Variants in MKLN1 observed in about 807,000 individuals in gnomAD.
The protein encoded by MKLN1 is muskelin.
MKLN1 carries 18 observed loss-of-function variants against 99.0 expected under a neutral mutation model. The ratio of observed to expected loss-of-function variants is 0.18; its 90% CI spans 0.13 to 0.27. The LOEUF (loss-of-function observed/expected upper bound fraction) is 0.27, where lower values mean the gene tolerates loss of function less well. Among genes scored for constraint, MKLN1 ranks in the 10% least tolerant of loss-of-function variants. The pLI is 1.00. For synonymous variants in MKLN1, 288 were observed against 293.2 expected (o/e 0.98, Z 0.18); for missense variants, 621 against 875.9 (o/e 0.71, Z 3.67).
At chr7:131,133,839 T>G (rs1795605078) in intron 1 of MKLN1, among the ~76,000 whole-genome samples, 1 of 140,784 alleles carries the variant, frequency 7.1e-6, no homozygotes, top group South Asian at 2.3e-4. Flanking sequence ...TTTTTTTTTT[T>G]TTTTTTTGAG....
At chr7:131,165,321 G>A (rs1003289230) in intron 2 of MKLN1, among the ~76,000 whole-genome samples, 2 of 152,134 alleles carry the variant, frequency 1.3e-5, no homozygotes, top group South Asian at 2.1e-4. Context: ...GAGTAGCTGG[G>A]ATTACAGGCA....
chr7:131,196,014 T>C (rs891930567), intron 2 of MKLN1, among the ~76,000 whole-genome samples: 7 of 152,186 alleles, frequency 4.6e-5, no homozygotes, highest in Non-Finnish European at 1.0e-4. Flanking sequence ...CTTTTTTGTG[T>C]ATATTTTTAT....
rs767696711 is a variant in MKLN1 at position 131,411,275 on chromosome 7, G to A, written c.704-31G>A. The A allele has an allele frequency of 3.6e-6, 5 of 1,371,200 alleles. No individual in the cohort carries two copies. The East Asian group carries it at 6.9e-5, about 19-fold the overall frequency. 84.9% of individuals were successfully genotyped at this position (1,371,200 alleles called of 1,614,324 possible). On this transcript the variant is annotated intron_variant, in intron 6 of 17. Coordinates refer to ENST00000352689, the MANE Select transcript of MKLN1 (RefSeq NM_013255.5). ...AATAAATAATGTAAGTAGTTAAGGTGTAATTCTTTCTCATTCTTCAATATT... is the reference window on the plus strand; with the variant it reads ...AATAAATAATGTAAGTAGTTAAGGTATAATTCTTTCTCATTCTTCAATATT...
intron 2 of MKLN1, among the ~76,000 whole-genome samples, chr7:131,200,665 A>C (rs1169653476): frequency 1.3e-5 from 2 of 152,258 alleles, no homozygotes; most frequent in Non-Finnish European, 2.9e-5. Context: ...AATCAAAAGT[A>C]CAGATTTTCC....
rs147375026 is a variant in MKLN1 at position 131,345,469 on chromosome 7, G to C, written c.98+17472G>C. ...TAACAGAAATTCCTTCAGCTCCCTTGTATTTATTTATGTGAGCAAGGGAGG... is the reference window on the plus strand; with the variant it reads ...TAACAGAAATTCCTTCAGCTCCCTTCTATTTATTTATGTGAGCAAGGGAGG... On this transcript the variant is annotated intron_variant, in intron 1 of 17. Transcript: ENST00000352689. Among the ~76,000 whole-genome samples, 248 of 152,268 alleles carry C rather than the reference G, an allele frequency of 1.6e-3. 3 individuals carry two copies. The highest frequency in any genetic ancestry group is 5.6e-3 in the African/African-American group (234 of 41,550).
intron 10 of MKLN1, among the ~76,000 whole-genome samples, chr7:131,439,509 GT>G (rs1795768837): frequency 6.6e-6 from 1 of 152,154 alleles, no homozygotes; most frequent in Non-Finnish European, 1.5e-5. Flanking sequence ...AACTATCCCT[GT>G]AATAGTGAGC....
intron 8 of MKLN1, among the ~76,000 whole-genome samples, chr7:131,415,271 AATACCAATAATCTACCATAGCT>A (rs1049162600): frequency 1.3e-5 from 2 of 152,074 alleles, no homozygotes; most frequent in Non-Finnish European, 2.9e-5. Flanking sequence ...AAAAGCAAAT[AATACCAATAATCTACCATAGCT>A]ATATTTTATT....
At chr7:131,182,526 C>G (rs1039175696) in intron 2 of MKLN1, among the ~76,000 whole-genome samples, 1 of 152,210 alleles carries the variant, frequency 6.6e-6, no homozygotes, top group Admixed American at 6.5e-5. Flanking sequence ...TAAGACCAAA[C>G]CTTATATCTT....
intron 3 of MKLN1, among the ~76,000 whole-genome samples, chr7:131,224,275 G>A (rs1797104614): frequency 6.6e-6 from 1 of 152,204 alleles, no homozygotes; most frequent in Non-Finnish European, 1.5e-5. Flanking sequence ...GCTGGGTGCG[G>A]TAGCTCACAC....
chr7:131,343,846 A>G (rs1266918208), intron 1 of MKLN1, among the ~76,000 whole-genome samples: 1 of 152,174 alleles, frequency 6.6e-6, no homozygotes, highest in African/African-American at 2.4e-5. Flanking sequence ...CTTCTGGCAG[A>G]TATCTAATGC....
chr7:131,380,870 A>T (rs958020284), intron 2 of MKLN1, among the ~76,000 whole-genome samples: 1 of 152,186 alleles, frequency 6.6e-6, no homozygotes, highest in African/African-American at 2.4e-5. Context: ...TATACAGTTG[A>T]TTCTGGTTAT....
At chr7:131,440,938 C>G (rs1795820510) in intron 10 of MKLN1, among the ~76,000 whole-genome samples, 1 of 152,032 alleles carries the variant, frequency 6.6e-6, no homozygotes, top group Admixed American at 6.6e-5. Flanking sequence ...AGCAAGTAGA[C>G]AAAATGATCA....
chr7:131,400,516 A>ATATAT (rs1186649549), intron 6 of MKLN1, among the ~76,000 whole-genome samples: 5 of 108,094 alleles, frequency 4.6e-5, no homozygotes, highest in African/African-American at 1.5e-4. Context: ...CAATAAAAAA[A>ATATAT]AAATATATAT....
chr7:131,327,134 T>C (rs1798908917), upstream of MKLN1: 1 of 152,238 alleles, frequency 6.6e-6, no homozygotes, highest in Non-Finnish European at 1.5e-5. Context: ...CTCTGAACTT[T>C]TAGGCTACAA....
chr7:131,117,120 G>GAGAAGTGGT (rs1184372424), intron 1 of MKLN1, among the ~76,000 whole-genome samples: 1 of 151,868 alleles, frequency 6.6e-6, no homozygotes, highest in Non-Finnish European at 1.5e-5. Context: ...GCCATCAATA[G>GAGAAGTGGT]AGAAGTGGTT....
intron 1 of MKLN1, among the ~76,000 whole-genome samples, chr7:131,365,630 G>C (rs1267186280): frequency 3.9e-5 from 6 of 152,084 alleles, no homozygotes. Context: ...TATGATGTGA[G>C]GAAGGGAGTC....
chr7:131,371,957 C>G (rs1793477263), intron 1 of MKLN1, among the ~76,000 whole-genome samples: 1 of 151,820 alleles, frequency 6.6e-6, no homozygotes, highest in Admixed American at 6.6e-5. Context: ...GATTTTCTGT[C>G]TCAAATAATT....
At chr7:131,376,122 A>ATATATATATG (rs1563318246) in intron 2 of MKLN1, among the ~76,000 whole-genome samples, 3 of 242 alleles carry the variant, frequency 0.012, no homozygotes, top group African/African-American at 0.037. Context: ...ATATATATAT[A>ATATATATATG]TATATATATA....
upstream of MKLN1, chr7:131,327,874 G>A (rs765321101): frequency 1.9e-6 from 3 of 1,607,624 alleles, no homozygotes; most frequent in South Asian, 1.1e-5. Context: ...CCAGCGGTCG[G>A]TGGCGGCCGC....
Sources: gnomAD v4.1 joint callset for allele counts (sites outside exome capture counted in the v4.1 genomes callset) on GRCh38, gnomAD v4.1.1 for gene constraint, MANE v1.5 for transcripts, NCBI Gene and HGNC (gene_info 2026-07-23, HGNC 2026-07-21) for gene names.